The following CCSER1 variants were observed in gnomAD, a reference collection of about 807,000 sequenced individuals.
CCSER1 encodes the protein coiled-coil serine rich protein 1.
Under a neutral mutation model 82.0 loss-of-function variants are expected in CCSER1, and 41 were observed. The ratio of observed to expected loss-of-function variants is 0.50; its 90% confidence interval spans 0.39 to 0.65. The LOEUF is 0.65. Among genes scored for constraint, CCSER1 ranks in the 30% least tolerant of loss-of-function variants. The pLI, the probability that CCSER1 is intolerant of heterozygous loss-of-function variation, is 0.00. For missense variants in CCSER1, 1,119 were observed against 1,064.2 expected, an observed-to-expected ratio of 1.05 and a Z score of -0.72; for synonymous variants, 414 against 383.9, an observed-to-expected ratio of 1.08 and a Z score of -0.92.
At chr4:90,834,251 T>A (rs1761502594) in intron 8 of CCSER1, among the ~76,000 whole-genome samples, 1 of 152,220 alleles carries the variant, frequency 6.6e-6, no homozygotes, top group African/African-American at 2.4e-5. Flanking sequence ...ATAATCAGGA[T>A]AAAATCCAAA....
chr4:90,937,428 TA>T (rs1250002367), intron 9 of CCSER1, among the ~76,000 whole-genome samples: 1 of 150,798 alleles, frequency 6.6e-6, no homozygotes, highest in Non-Finnish European at 1.5e-5. Context: ...TTGCCGAAAA[TA>T]AAAAATAAAT....
At chr4:91,249,212 C>T (rs1740058900) in intron 10 of CCSER1, among the ~76,000 whole-genome samples, 1 of 152,120 alleles carries the variant, frequency 6.6e-6, no homozygotes, top group Admixed American at 6.5e-5. Flanking sequence ...ATTTGGTTCA[C>T]ATTTTAAGCC....
intron 10 of CCSER1, among the ~76,000 whole-genome samples, chr4:91,161,216 T>C (rs1044271840): frequency 6.6e-6 from 1 of 152,156 alleles, no homozygotes; most frequent in African/African-American, 2.4e-5. Flanking sequence ...TGGTACTAGA[T>C]GTGTGGTGTT....
chr4:91,008,915 G>T (rs1738752701), intron 9 of CCSER1, among the ~76,000 whole-genome samples: 3 of 152,226 alleles, frequency 2.0e-5, no homozygotes, highest in African/African-American at 4.8e-5. Flanking sequence ...AGCTCTATTA[G>T]AAGCTGTGGG....
At chr4:90,604,315 A>G (rs1020991799) in intron 5 of CCSER1, among the ~76,000 whole-genome samples, 1 of 152,182 alleles carries the variant, frequency 6.6e-6, no homozygotes, top group Admixed American at 6.5e-5. Flanking sequence ...ACTGTCTTCA[A>G]GGCTGCCCAT....
intron 10 of CCSER1, among the ~76,000 whole-genome samples, chr4:91,592,830 T>G (rs953594425): frequency 6.6e-6 from 1 of 152,128 alleles, no homozygotes; most frequent in Non-Finnish European, 1.5e-5. Flanking sequence ...GCAATATTTT[T>G]TTTTTGTTAA....
intron 10 of CCSER1, among the ~76,000 whole-genome samples, chr4:91,345,409 A>G (rs1277985775): frequency 6.6e-6 from 1 of 152,174 alleles, no homozygotes; most frequent in Non-Finnish European, 1.5e-5. Context: ...GAAGAAGAAA[A>G]AAAGAAACTC....
intron 10 of CCSER1, among the ~76,000 whole-genome samples, chr4:91,506,700 A>G (rs1759509150): frequency 6.6e-6 from 1 of 152,156 alleles, no homozygotes; most frequent in Non-Finnish European, 1.5e-5. Flanking sequence ...AGTAAACTTC[A>G]TTTTTTAAAA....
chr4:90,350,582 G>A (rs1743248302), intron 3 of CCSER1, among the ~76,000 whole-genome samples: 1 of 151,894 alleles, frequency 6.6e-6, no homozygotes. Flanking sequence ...TAATTAATAT[G>A]GCACTATATA....
chr4:90,735,684 A>ATT (rs1745518394), intron 7 of CCSER1, among the ~76,000 whole-genome samples: 1 of 151,944 alleles, frequency 6.6e-6, no homozygotes, highest in Non-Finnish European at 1.5e-5. Flanking sequence ...TTTTATTGGT[A>ATT]TGGGCTTTCT....
intron 1 of CCSER1, among the ~76,000 whole-genome samples, chr4:90,202,868 T>G (rs1738034725): frequency 6.6e-6 from 1 of 152,224 alleles, no homozygotes; most frequent in African/African-American, 2.4e-5. Flanking sequence ...TTCTAATGGC[T>G]CATATAAATT....
rs181852792 is a variant in CCSER1, at chr4:90,268,129, T to A, written c.-41-40115T>A. ...GCTGAGAGATTTCATTAATACCAGATCTGTTGTACAAGAAATGCTAAAGGG... is the reference window on the plus strand; with the variant it reads ...GCTGAGAGATTTCATTAATACCAGAACTGTTGTACAAGAAATGCTAAAGGG... On this transcript the variant is annotated intron_variant, in intron 1 of 10. Coordinates refer to ENST00000509176, the MANE Select transcript of CCSER1 (RefSeq NM_001145065.2). Among the ~76,000 whole-genome samples the A allele has an allele frequency of 1.6e-3, 246 of 152,292 alleles. 1 individual carries two copies. Among genetic ancestry groups the A allele is most frequent in the Non-Finnish European group, 2.6e-3 (180 of 68,014 alleles).
chr4:90,896,390 G>T (rs989195491), intron 8 of CCSER1, among the ~76,000 whole-genome samples: 1 of 151,868 alleles, frequency 6.6e-6, no homozygotes, highest in Non-Finnish European at 1.5e-5. Flanking sequence ...CATAATTTTG[G>T]TTCACCAAGT....
At chr4:91,413,390 T>C (rs1249609968) in intron 10 of CCSER1, among the ~76,000 whole-genome samples, 1 of 151,858 alleles carries the variant, frequency 6.6e-6, no homozygotes, top group African/African-American at 2.4e-5. Context: ...TGCCCAGAAA[T>C]TCAAGGTGAC....
intron 1 of CCSER1, among the ~76,000 whole-genome samples, chr4:90,220,345 A>G (rs1370934453): frequency 6.6e-6 from 1 of 152,060 alleles, no homozygotes; most frequent in Non-Finnish European, 1.5e-5. Flanking sequence ...ATTAGCACTT[A>G]TCTCAAAACA....
At chr4:90,702,358 G>A (rs1020969629) in intron 6 of CCSER1, among the ~76,000 whole-genome samples, 2 of 152,128 alleles carry the variant, frequency 1.3e-5, no homozygotes, top group African/African-American at 4.8e-5. Context: ...TTGATGTGCT[G>A]CTGGATTCAG....
intron 10 of CCSER1, among the ~76,000 whole-genome samples, chr4:91,214,119 AG>A (rs1737052086): frequency 6.6e-6 from 1 of 152,102 alleles, no homozygotes; most frequent in South Asian, 2.1e-4. Flanking sequence ...AAAGATTGCC[AG>A]AGTTATTAAA....
chr4:91,168,471 C>T (rs1218008332), intron 10 of CCSER1, among the ~76,000 whole-genome samples: 1 of 145,700 alleles, frequency 6.9e-6, no homozygotes, highest in Non-Finnish European at 1.5e-5. Flanking sequence ...CACCTCTGCC[C>T]AGCAGCCGCC....
At chr4:90,369,175 GAGA>G (rs1395950606) in intron 3 of CCSER1, among the ~76,000 whole-genome samples, 1 of 132,438 alleles carries the variant, frequency 7.6e-6, no homozygotes, top group Non-Finnish European at 1.6e-5. Context: ...GGAGGAAAAG[GAGA>G]AGGACAAAGA....
Sources: gnomAD v4.1 joint callset for allele counts (sites outside exome capture counted in the v4.1 genomes callset) on GRCh38, gnomAD v4.1.1 for gene constraint, MANE v1.5 for transcripts, NCBI Gene and HGNC (gene_info 2026-07-23, HGNC 2026-07-21) for gene names.